Variants in PREX2 observed in about 807,000 individuals in gnomAD.
The protein encoded by PREX2 is phosphatidylinositol 3,4,5-trisphosphate-dependent Rac exchanger 2 protein.
In PREX2, 107 loss-of-function variants were observed where a neutral mutation model predicts 203.2. That is an observed-to-expected ratio of 0.53 (90% CI 0.45 to 0.62). The LOEUF is 0.62. Ranked by LOEUF, PREX2 falls within the 20% of genes least tolerant of loss-of-function variation. The pLI is 0.00. For synonymous variants in PREX2, 672 were observed against 663.6 expected, an observed-to-expected ratio of 1.01 and a Z score of -0.19; for missense variants, 1,777 against 1,955.9, an observed-to-expected ratio of 0.91 and a Z score of 1.72.
chr8:68,065,037 CTG>C (rs1808975537), intron 11 of PREX2, among the ~76,000 whole-genome samples: 1 of 152,188 alleles, frequency 6.6e-6, no homozygotes, highest in South Asian at 2.1e-4. Context: ...AGGACCCGAA[CTG>C]TAGTTTATAC....
chr8:68,172,094 A>G (rs1037096798), intron 35 of PREX2, among the ~76,000 whole-genome samples: 4 of 152,160 alleles, frequency 2.6e-5, no homozygotes, highest in Non-Finnish European at 4.4e-5. Context: ...GTGTATATTC[A>G]TATTCAATTC....
intron 1 of PREX2, among the ~76,000 whole-genome samples, chr8:67,973,047 T>A (rs926935350): frequency 6.6e-6 from 1 of 152,160 alleles, no homozygotes; most frequent in Non-Finnish European, 1.5e-5. Context: ...ATATCTTTCA[T>A]CCCTTGTTCA....
chr8:68,043,664 A>C (rs990556343), intron 7 of PREX2, among the ~76,000 whole-genome samples: 1 of 152,084 alleles, frequency 6.6e-6, no homozygotes, highest in African/African-American at 2.4e-5. Context: ...GTGACTAGGT[A>C]TTTTTTAATC....
chr8:68,115,148 CTCCTGAGTA>C (rs1039909939), intron 25 of PREX2, among the ~76,000 whole-genome samples: 10 of 151,418 alleles, frequency 6.6e-5, no homozygotes, highest in South Asian at 2.1e-4. Context: ...CTGCCTTAGC[CTCCTGAGTA>C]GTTGGGATTA....
At chr8:68,190,053 TGG>T (rs890664342) in intron 35 of PREX2, among the ~76,000 whole-genome samples, 4 of 152,192 alleles carry the variant, frequency 2.6e-5, no homozygotes, top group African/African-American at 9.7e-5. Flanking sequence ...TCACTGTGTG[TGG>T]GTGTGAACAC....
intron 1 of PREX2, among the ~76,000 whole-genome samples, chr8:67,958,027 C>G (rs1291333819): frequency 1.3e-5 from 2 of 152,188 alleles, no homozygotes; most frequent in Non-Finnish European, 2.9e-5. Flanking sequence ...AAAGGCAGCC[C>G]TCTGCAAGCT....
intron 37 of PREX2, among the ~76,000 whole-genome samples, chr8:68,207,866 A>G (rs1366463837): frequency 1.3e-5 from 2 of 151,992 alleles, no homozygotes; most frequent in African/African-American, 4.8e-5. Context: ...CAGTGGGGTA[A>G]GAGATACTGT....
At chr8:68,183,184 G>T (rs138608283) in intron 35 of PREX2, among the ~76,000 whole-genome samples, 298 of 152,156 alleles carry the variant, frequency 2.0e-3, no homozygotes, top group Non-Finnish European at 2.1e-3. Context: ...CTTTACAAAG[G>T]TATTTTTAGA....
At chr8:68,051,419 A>G (rs914765295) in intron 8 of PREX2, among the ~76,000 whole-genome samples, 1 of 152,118 alleles carries the variant, frequency 6.6e-6, no homozygotes, top group African/African-American at 2.4e-5. Context: ...CCTGACTTGA[A>G]CAGAGAGAAG....
intron 32 of PREX2, among the ~76,000 whole-genome samples, chr8:68,135,372 A>G (rs1463458626): frequency 2.6e-5 from 4 of 152,212 alleles, no homozygotes; most frequent in African/African-American, 9.6e-5. Context: ...AAGAACCCTT[A>G]AAATTCAACA....
Position 68,228,013 on chromosome 8 carries a change from T to A in PREX2, c.4776-3320T>A, listed in dbSNP as rs144673962. ...TCATGCACACAAAGAGCTTGCAGCC[T>A]AGTAGAATACAAAGACAAAATAAAT... On this transcript the variant is annotated intron_variant, in intron 39 of 39. Coordinates refer to ENST00000288368, the MANE Select transcript of PREX2 (RefSeq NM_024870.4). Among the ~76,000 whole-genome samples the A allele has an allele frequency of 2.0e-5, 3 of 152,254 alleles. No individual in the cohort carries two copies. The East Asian group carries it at 5.8e-4, about 29-fold the overall frequency.
At chr8:68,042,047 G>A (rs1475157519) in intron 7 of PREX2, among the ~76,000 whole-genome samples, 4 of 152,110 alleles carry the variant, frequency 2.6e-5, no homozygotes, top group Middle Eastern at 3.4e-3. Flanking sequence ...TCCCTTCCAG[G>A]ACTGGAGAAG....
intron 14 of PREX2, among the ~76,000 whole-genome samples, chr8:68,075,052 T>G (rs1361830692): frequency 1.3e-5 from 2 of 152,198 alleles, no homozygotes; most frequent in East Asian, 3.9e-4. Flanking sequence ...ATCATTCAAT[T>G]CCTGTACGTT....
At chr8:67,977,508 T>C (rs753617926) in intron 1 of PREX2, among the ~76,000 whole-genome samples, 2 of 152,170 alleles carry the variant, frequency 1.3e-5, no homozygotes, top group Non-Finnish European at 2.9e-5. Context: ...TTGGCCTTCA[T>C]CCCCATTTCC....
chr8:68,183,882 T>G (rs1265336312), intron 35 of PREX2, among the ~76,000 whole-genome samples: 1 of 152,120 alleles, frequency 6.6e-6, no homozygotes, highest in African/African-American at 2.4e-5. Context: ...ATAGTCACAT[T>G]TATTGTCTTG....
chr8:68,184,126 G>A (rs1285631225), intron 35 of PREX2, among the ~76,000 whole-genome samples: 2 of 152,128 alleles, frequency 1.3e-5, no homozygotes, highest in Non-Finnish European at 2.9e-5. Flanking sequence ...GGGAAGGTAG[G>A]TGGGATAGAG....
In PREX2 at chr8:68,087,728, G is replaced by T. The variant is rs141504768; in HGVS notation, c.2032G>T (p.Val678Leu). 4.1e-3 allele frequency: 6,552 copies of T among 1,611,968 alleles called. 197 individuals are homozygous for T. In the East Asian group the frequency reaches 0.067, roughly 16 times the overall value. ...VLVSTKPRETVKIPDSADGLG... is the reference protein window; with the variant it reads ...VLVSTKPRETLKIPDSADGLG... ...CTTATTTTCTGATTGATTTAGGACAGTGAAAATTCCAGATTCAGCTGATGG... is the reference window on the plus strand; with the variant it reads ...CTTATTTTCTGATTGATTTAGGACATTGAAAATTCCAGATTCAGCTGATGG... The change falls in exon 19 of 40, where the codon GTG (valine) becomes TTG (leucine). Residue 678 changes from valine to leucine, a missense_variant. Val to Leu is a conservative substitution (Grantham distance 32, BLOSUM62 1). Coordinates refer to ENST00000288368, the MANE Select transcript of PREX2 (RefSeq NM_024870.4).
chr8:68,013,887 T>G (rs1807336528), intron 1 of PREX2, among the ~76,000 whole-genome samples: 3 of 152,302 alleles, frequency 2.0e-5, no homozygotes, highest in African/African-American at 7.2e-5. Flanking sequence ...TAAGGTTTAG[T>G]GCTGTATGAT....
Position 68,192,333 on chromosome 8 carries a change from A to G in PREX2, c.4414-2A>G. 1.9e-6 allele frequency: 3 copies of G among 1,575,392 alleles called. No homozygotes were observed. Among genetic ancestry groups the G allele is most frequent in the Non-Finnish European group, 2.6e-6 (3 of 1,158,408 alleles). On this transcript the variant is annotated splice_acceptor_variant, in intron 36 of 39. Coordinates refer to ENST00000288368, the MANE Select transcript of PREX2 (RefSeq NM_024870.4). LOFTEE classifies it high-confidence loss of function. The stretch of plus-strand genomic sequence containing the variant: ...TTGACGTTCATCACTTTTTTTCTGC[A>G]GCTAATGAGGCCTCTCAACGCTTTG...
Sources: gnomAD v4.1 joint callset for allele counts (sites outside exome capture counted in the v4.1 genomes callset) on GRCh38, gnomAD v4.1.1 for gene constraint, MANE v1.5 for transcripts, NCBI Gene and HGNC (gene_info 2026-07-23, HGNC 2026-07-21) for gene names.